Variants in PDE7B observed in about 807,000 individuals in gnomAD.
PDE7B encodes the protein 3',5'-cyclic-AMP phosphodiesterase 7B.
In PDE7B, 29 loss-of-function variants were observed where a neutral mutation model predicts 56.2. The observed-to-expected ratio is 0.52, with a 90% CI of 0.38 to 0.70. The LOEUF is 0.70. Ranked by LOEUF, PDE7B falls within the 30% of genes least tolerant of loss-of-function variation. The pLI, the probability that PDE7B is intolerant of heterozygous loss-of-function variation, is 0.00. For synonymous variants in PDE7B, 197 were observed against 196.9 expected (o/e 1.00, Z 0.00); for missense variants, 490 against 565.0 (o/e 0.87, Z 1.35).
chr6:135,994,694 G>C (rs1458048744), intron 2 of PDE7B, among the ~76,000 whole-genome samples: 1 of 152,096 alleles, frequency 6.6e-6, no homozygotes, highest in Non-Finnish European at 1.5e-5. Context: ...TATTCAACAA[G>C]CACTTATTGA....
intron 2 of PDE7B, among the ~76,000 whole-genome samples, chr6:135,954,259 G>A (rs1774750921): frequency 6.6e-6 from 1 of 152,122 alleles, no homozygotes; most frequent in Non-Finnish European, 1.5e-5. Context: ...TCCAGCATCT[G>A]GAACATCTAG....
chr6:135,940,275 G>C (rs1374878116), intron 1 of PDE7B, among the ~76,000 whole-genome samples: 3 of 152,174 alleles, frequency 2.0e-5, no homozygotes, highest in Non-Finnish European at 4.4e-5. Context: ...CTGCGGTCAT[G>C]TCTTTCAAAG....
intron 8 of PDE7B, among the ~76,000 whole-genome samples, chr6:136,158,740 G>C (rs973170271): frequency 7.9e-5 from 12 of 152,100 alleles, no homozygotes; most frequent in African/African-American, 2.2e-4. Context: ...CTTCTACTTG[G>C]CACCTCTCTC....
intron 2 of PDE7B, among the ~76,000 whole-genome samples, chr6:136,053,803 T>C (rs1377999609): frequency 6.6e-6 from 1 of 152,202 alleles, no homozygotes. Context: ...ATTTCTCTGA[T>C]GGCCAGTGAT....
At chr6:135,959,583 A>G (rs1774861591) in intron 2 of PDE7B, among the ~76,000 whole-genome samples, 1 of 152,094 alleles carries the variant, frequency 6.6e-6, no homozygotes, top group South Asian at 2.1e-4. Context: ...CAGTCTACGG[A>G]AAGGTACCTT....
Position 135,858,795 on chromosome 6 carries a change from C to T in PDE7B, c.21+6776C>T, listed in dbSNP as rs571867127. Among the ~76,000 whole-genome samples the T allele has an allele frequency of 9.9e-4, 150 of 152,254 alleles. 2 individuals are homozygous for T. Among genetic ancestry groups the T allele is most frequent in the Middle Eastern group, 6.8e-3 (2 of 292 alleles). On this transcript the variant is annotated intron_variant, in intron 1 of 12. Coordinates refer to ENST00000308191, the MANE Select transcript of PDE7B (RefSeq NM_018945.4). ...ACCATACATATTTTACTGGTTTGAA[C>T]ATCTTGACTAAATTTTGTTTTAGAA...
intron 1 of PDE7B, among the ~76,000 whole-genome samples, chr6:135,862,047 C>A (rs1232884375): frequency 6.6e-6 from 1 of 151,840 alleles, no homozygotes; most frequent in Non-Finnish European, 1.5e-5. Context: ...GTAATCAGAG[C>A]ATCCAGAATA....
At chr6:135,904,217 G>T (rs1293389436) in intron 1 of PDE7B, among the ~76,000 whole-genome samples, 1 of 152,200 alleles carries the variant, frequency 6.6e-6, no homozygotes, top group Non-Finnish European at 1.5e-5. Context: ...AGTGGGGCAA[G>T]CACCTGACCT....
In PDE7B at chr6:135,859,675, G is replaced by T. The variant is rs112915155; in HGVS notation, c.21+7656G>T. On this transcript the variant is annotated intron_variant, in intron 1 of 12. Transcript: ENST00000308191. ...ATGTTGCCCCAAGTGCCCATGTGTG[G>T]GTGCATGAGAGAGGCCCTTCTTAAA... Among the ~76,000 whole-genome samples the T allele has an allele frequency of 2.5e-3, 376 of 151,812 alleles. 1 individual carries two copies. Among genetic ancestry groups the T allele is most frequent in the African/African-American group, 8.8e-3 (364 of 41,462 alleles).
At chr6:136,040,846 A>G (rs2128209922) in intron 2 of PDE7B, among the ~76,000 whole-genome samples, 1 of 152,244 alleles carries the variant, frequency 6.6e-6, no homozygotes, top group Non-Finnish European at 1.5e-5. Flanking sequence ...TTTCTATTCA[A>G]ACAACAAAGC....
chr6:136,037,188 C>T (rs1380083308), intron 2 of PDE7B, among the ~76,000 whole-genome samples: 1 of 152,174 alleles, frequency 6.6e-6, no homozygotes, highest in Non-Finnish European at 1.5e-5. Context: ...ATTTATGTCC[C>T]CTGTGAACAT....
chr6:135,977,428 G>T (rs561243289), intron 2 of PDE7B, among the ~76,000 whole-genome samples: 1 of 151,744 alleles, frequency 6.6e-6, no homozygotes, highest in Non-Finnish European at 1.5e-5. Flanking sequence ...CTCCAGGGCC[G>T]AAAGCAGAAA....
intron 3 of PDE7B, among the ~76,000 whole-genome samples, chr6:136,133,058 GA>G (rs1326284980): frequency 1.3e-5 from 2 of 151,958 alleles, no homozygotes; most frequent in African/African-American, 4.8e-5. Context: ...TTAAATCACA[GA>G]ATCCACTCCA....
chr6:135,900,771 T>G (rs1286385781), intron 1 of PDE7B, among the ~76,000 whole-genome samples: 2 of 152,136 alleles, frequency 1.3e-5, no homozygotes, highest in African/African-American at 4.8e-5. Context: ...TAGACTGACA[T>G]ACTCAGTATT....
chr6:135,980,624 G>A (rs1375798084), intron 2 of PDE7B, among the ~76,000 whole-genome samples: 3 of 152,016 alleles, frequency 2.0e-5, no homozygotes, highest in African/African-American at 7.3e-5. Flanking sequence ...GTGGGCGAAG[G>A]ACATGAACAG....
At chr6:135,941,572 TGTG>T (rs1174883604) in intron 1 of PDE7B, among the ~76,000 whole-genome samples, 1 of 152,250 alleles carries the variant, frequency 6.6e-6, no homozygotes, top group Admixed American at 6.5e-5. Flanking sequence ...AATTTCACAG[TGTG>T]GTTTTGAGTG....
intron 8 of PDE7B, among the ~76,000 whole-genome samples, chr6:136,164,577 G>T (rs1056931089): frequency 3.9e-5 from 6 of 152,134 alleles, no homozygotes; most frequent in Non-Finnish European, 8.8e-5. Flanking sequence ...CAATAAACAT[G>T]TGTTTTGACC....
At chr6:136,148,915 C>T (rs913647272) in intron 4 of PDE7B, among the ~76,000 whole-genome samples, 172 bp from the exon 5 acceptor site, 11 of 152,172 alleles carry the variant, frequency 7.2e-5, no homozygotes, top group East Asian at 3.8e-4. Flanking sequence ...TTTTGTGTCA[C>T]GCTGAGGCAT....
At chr6:136,001,439 C>T (rs572084135) in intron 2 of PDE7B, among the ~76,000 whole-genome samples, 9 of 152,062 alleles carry the variant, frequency 5.9e-5, no homozygotes, top group Non-Finnish European at 1.3e-4. Context: ...GGCAAAGAAG[C>T]TGAAAACTTT....
Sources: gnomAD v4.1 joint callset for allele counts (sites outside exome capture counted in the v4.1 genomes callset) on GRCh38, gnomAD v4.1.1 for gene constraint, MANE v1.5 for transcripts, NCBI Gene and HGNC (gene_info 2026-07-23, HGNC 2026-07-21) for gene names.